ITGA4: variants seen among roughly 807,000 people sequenced by gnomAD.
ITGA4 encodes the protein integrin alpha-4.
Under a neutral mutation model 133.6 loss-of-function variants are expected in ITGA4, and 63 were observed. The observed-to-expected ratio is 0.47, with a 90% CI of 0.38 to 0.58. The LOEUF is 0.58. Among genes scored for constraint, ITGA4 ranks in the 20% least tolerant of loss-of-function variants. ITGA4 has a pLI of 0.00. For missense variants in ITGA4, 1,076 were observed against 1,252.7 expected (o/e 0.86, Z 2.13); for synonymous variants, 483 against 438.0 (o/e 1.10, Z -1.28).
intron 20 of ITGA4, 49 bp from the exon 21 acceptor site, chr2:181,525,153 A>C (rs1686806938): frequency 9.4e-7 from 1 of 1,060,478 alleles, no homozygotes; most frequent in African/African-American, 1.6e-5. Flanking sequence ...TTCTCTCTGA[A>C]GATTTTTCTG....
chr2:181,522,859 G>T (rs763211082), intron 18 of ITGA4, among the ~76,000 whole-genome samples: 1 of 152,120 alleles, frequency 6.6e-6, no homozygotes, highest in Non-Finnish European at 1.5e-5. Flanking sequence ...ACTTGCAAAA[G>T]TAACAGTGGA....
chr2:181,526,912 A>ACCTC (rs1160462474), intron 21 of ITGA4, among the ~76,000 whole-genome samples: 2 of 131,928 alleles, frequency 1.5e-5, no homozygotes, highest in Non-Finnish European at 3.1e-5. Context: ...GCTCACTGCA[A>ACCTC]CCTCTGCTTC....
In ITGA4 at chr2:181,480,198, A is replaced by G. The variant is rs201276246; in HGVS notation, c.686A>G (p.Asn229Ser). 7.1e-6 allele frequency: 11 copies of G among 1,552,604 alleles called. No individual in the cohort carries two copies. The highest frequency in any genetic ancestry group is 1.9e-5 in the Admixed American group (1 of 51,412). The change falls in exon 6 of 28, where the codon AAT (asparagine) becomes AGT (serine). Residue 229 changes from asparagine (N) to serine (S), a missense_variant. Transcript: ENST00000397033. The part of the protein sequence containing the change: ...SYWTGSLFVY[N>S]ITTNKYKAFL... ...TGGACTGGCTCTCTTTTTGTCTACA[A>G]TATAACTACAAATAAATACAAGGCT...
At chr2:181,491,117 C>A (rs1686042852) in intron 10 of ITGA4, among the ~76,000 whole-genome samples, 2 of 152,140 alleles carry the variant, frequency 1.3e-5, no homozygotes, top group African/African-American at 4.8e-5. Context: ...ATTGAATATA[C>A]CCAAGTGTCC....
intron 23 of ITGA4, 74 bp downstream of exon 23, chr2:181,529,722 A>T: frequency 1.3e-6 from 1 of 762,724 alleles, no homozygotes; most frequent in South Asian, 1.6e-5. Context: ...CCAATCCTTT[A>T]TTCGAGTAAT....
intron 8 of ITGA4, 30 bp from the exon 9 acceptor site, chr2:181,482,484 A>G: frequency 3.7e-6 from 6 of 1,613,372 alleles, no homozygotes; most frequent in Non-Finnish European, 5.1e-6. Context: ...CTTTTTTCTC[A>G]ATGAGTGGAT....
intron 2 of ITGA4, among the ~76,000 whole-genome samples, chr2:181,459,828 A>G (rs1685222513): frequency 6.6e-6 from 1 of 152,182 alleles, no homozygotes; most frequent in Admixed American, 6.5e-5. Context: ...TAGTTTCCTG[A>G]TCCATGACAT....
intron 17 of ITGA4, among the ~76,000 whole-genome samples, chr2:181,512,426 T>G (rs1367169831): frequency 2.6e-5 from 4 of 152,052 alleles, no homozygotes; most frequent in African/African-American, 9.7e-5. Flanking sequence ...AGGATTATGT[T>G]TGGAAGTTCC....
In ITGA4 at chr2:181,457,553, G is replaced by A. The variant is rs1685152529; in HGVS notation, c.-102G>A. The A allele has an allele frequency of 1.9e-6, 2 of 1,059,534 alleles. No individual in the cohort carries two copies. The highest frequency in any genetic ancestry group is 1.6e-5 in the African/African-American group (1 of 61,998). 65.6% of individuals were successfully genotyped at this position (1,059,534 alleles called of 1,614,324 possible). On this transcript the variant is annotated 5_prime_UTR_variant, in exon 1 of 28. Coordinates refer to ENST00000397033, the MANE Select transcript of ITGA4 (RefSeq NM_000885.6). The stretch of plus-strand genomic sequence containing the variant: ...AGCCCGCTGGCGCCGGACACGCTGC[G>A]CCTCATCTCTTGGGGCGTTCTTCCC...
intron 5 of ITGA4, chr2:181,479,461 A>G (rs1685754253): frequency 6.7e-6 from 1 of 148,276 alleles, no homozygotes; most frequent in Non-Finnish European, 1.5e-5. Context: ...AGTTATATTA[A>G]AATGCTTACA....
chr2:181,478,862 T>C (rs200426185), intron 5 of ITGA4, 38 bp downstream of exon 5: 12 of 1,029,598 alleles, frequency 1.2e-5, no homozygotes, highest in Admixed American at 2.8e-5. Context: ...AATGTTTACA[T>C]ATAGAATCTT....
intron 2 of ITGA4, among the ~76,000 whole-genome samples, chr2:181,467,872 G>A (rs1292387755): frequency 6.6e-6 from 1 of 152,154 alleles, no homozygotes; most frequent in Non-Finnish European, 1.5e-5. Context: ...CTCTTCTGTA[G>A]GGTAGGATTA....
At position 181,495,305 on chromosome 2, in the gene ITGA4, A is replaced by G. The variant is rs1341465981; in HGVS notation, c.1340-66A>G. The stretch of plus-strand genomic sequence containing the variant: ...AAAGGTGATACGTAGTTAAGTATTT[A>G]TGGCTGAAAAATAATTCTCTTTGAC... On this transcript the variant is annotated intron_variant, in intron 12 of 27. Transcript: ENST00000397033. This position sits in a 1 kb window ranked among gnomAD's most constrained non-coding sequence, Gnocchi z 4.3. 1.5e-5 allele frequency: 18 copies of G among 1,230,308 alleles called. No homozygotes were observed. Among genetic ancestry groups the G allele is most frequent in the Non-Finnish European group, 7.2e-6 (6 of 831,158 alleles). 76.2% of individuals were successfully genotyped at this position (1,230,308 alleles called of 1,614,324 possible).
rs575074053 is a variant in ITGA4, at chr2:181,482,752, A to G, written c.1041+101A>G. 2.7e-5 allele frequency: 31 copies of G among 1,144,652 alleles called. No individual in the cohort carries two copies. In the African/African-American group the frequency reaches 4.3e-4, roughly 16 times the overall value. 70.9% of individuals were successfully genotyped at this position (1,144,652 alleles called of 1,614,324 possible). On this transcript the variant is annotated intron_variant, in intron 9 of 27. Coordinates refer to ENST00000397033, the MANE Select transcript of ITGA4 (RefSeq NM_000885.6). ...CTGAGATTGTTTTCAGGTTTCTTTT[A>G]TTGACAAAAGTTAAAATTCTAATAC...
At chr2:181,531,485 T>C (rs1202018010) in intron 24 of ITGA4, among the ~76,000 whole-genome samples, 172 bp from the exon 25 acceptor site, 1 of 152,360 alleles carries the variant, frequency 6.6e-6, no homozygotes, top group East Asian at 1.9e-4. Flanking sequence ...ATTCATGTCT[T>C]GTTTAAAGGT....
chr2:181,513,705 A>G (rs1411320195), intron 17 of ITGA4, among the ~76,000 whole-genome samples: 1 of 152,080 alleles, frequency 6.6e-6, no homozygotes, highest in African/African-American at 2.4e-5. Flanking sequence ...TTTTTCATCA[A>G]TGGCTGAATA....
At chr2:181,461,875 T>C (rs749753198) in intron 2 of ITGA4, among the ~76,000 whole-genome samples, 5 of 152,186 alleles carry the variant, frequency 3.3e-5, no homozygotes, top group Non-Finnish European at 5.9e-5. Flanking sequence ...GAGAGGGCTG[T>C]AATGTAAATT....
chr2:181,520,469 C>G (rs906362887), intron 17 of ITGA4, among the ~76,000 whole-genome samples: 2 of 151,794 alleles, frequency 1.3e-5, no homozygotes, highest in Admixed American at 1.3e-4. Context: ...TCAACAGACA[C>G]CATTATCTAG....
intron 2 of ITGA4, among the ~76,000 whole-genome samples, chr2:181,460,957 T>C (rs1156298073): frequency 6.6e-6 from 1 of 152,048 alleles, no homozygotes; most frequent in Non-Finnish European, 1.5e-5. Context: ...TCCTTTGGAA[T>C]AGCTTTACTT....
Sources: gnomAD v4.1 joint callset for allele counts (sites outside exome capture counted in the v4.1 genomes callset) on GRCh38, gnomAD v4.1.1 for gene constraint, Gnocchi (gnomAD v3.1) non-coding constraint, MANE v1.5 for transcripts, NCBI Gene and HGNC (gene_info 2026-07-23, HGNC 2026-07-21) for gene names.